The following ZNF287 variants were observed in gnomAD, a reference collection of about 807,000 sequenced individuals.
The protein encoded by ZNF287 is zinc finger protein with KRAB and SCAN domains 13.
Under a neutral mutation model 73.7 loss-of-function variants are expected in ZNF287, and 31 were observed. That is an observed-to-expected ratio of 0.42 (90% CI 0.32 to 0.57). The LOEUF (loss-of-function observed/expected upper bound fraction) is 0.57. Ranked by LOEUF, ZNF287 falls within the 20% of genes least tolerant of loss-of-function variation. The probability of loss-of-function intolerance (pLI) is 0.13; values close to 1 mark genes in which losing one functional copy is unlikely to be tolerated. For missense variants in ZNF287, 641 were observed against 909.3 expected (o/e 0.70, Z 3.79); for synonymous variants, 301 against 307.2 (o/e 0.98, Z 0.21).
chr17:16,553,388 C>T lies in ZNF287; in HGVS notation c.754G>A (p.Asp252Asn), dbSNP rs778100140. 2.5e-5 allele frequency: 40 copies of T among 1,597,764 alleles called. No homozygotes were observed. Among genetic ancestry groups the T allele is most frequent in the Non-Finnish European group, 3.0e-5 (35 of 1,173,810 alleles). The change falls in exon 6 of 6, where the codon GAT becomes AAT. Residue 252 changes from aspartate (D) to asparagine (N), a missense_variant. By Grantham distance (23) the Asp-to-Asn change is conservative. This residue lies in a region of ZNF287 where 357 missense variants were observed against 442.4 expected (regional missense o/e 0.81). Transcript: ENST00000395825. ...TCTTCCTTTGTGAGTTTAGACATAT[C>T]CTCCACTGGAGTACATGCTTGGGCT... is the stretch of plus-strand genomic sequence containing the variant. ...TKAQACTPVEDMSKLTKEETH... is the reference protein window; with the variant it reads ...TKAQACTPVENMSKLTKEETH...
In ZNF287 at chr17:16,550,982, A is replaced by G. The variant is rs1409631324; in HGVS notation, c.*874T>C. 6.6e-6 allele frequency among the ~76,000 whole-genome samples: 1 copy of G among 151,590 alleles called. No homozygotes were observed. Among genetic ancestry groups the G allele is most frequent in the East Asian group, 1.9e-4 (1 of 5,206 alleles). On this transcript the variant is annotated 3_prime_UTR_variant, in exon 6 of 6. Transcript: ENST00000395825. ...TGTTTAACTAAATCTCTACACATCT[A>G]ATGTTATATACACATTAGTTTCTAT...
Position 16,563,717 on chromosome 17 carries a change from A to C in ZNF287, c.610T>G (p.Trp204Gly). 6.2e-7 allele frequency: 1 copy of C among 1,613,602 alleles called. No individual in the cohort carries two copies. Among genetic ancestry groups the C allele is most frequent in the Non-Finnish European group, 8.5e-7 (1 of 1,179,696 alleles). The change falls in exon 4 of 6, where the codon TGG (tryptophan) becomes GGG (glycine). Residue 204 changes from tryptophan (W) to glycine (G), a missense_variant. Physicochemically the swap from Trp to Gly is radical, Grantham distance 184. Around this residue, in one of 2 missense-constraint regions of ZNF287, gnomAD observed 357 missense variants for 442.4 expected, o/e 0.81. Transcript: ENST00000395825. ...LYKTVTLQNY[W>G]NMVSLGLTVY... ...TCCTTACCCAGAGAAACCATGTTCC[A>C]ATAGTTCTGTAACGTCACAGTCTTG...
chr17:16,556,277 ATTACTTTTT>A (rs1357999674), intron 5 of ZNF287, among the ~76,000 whole-genome samples: 1 of 152,160 alleles, frequency 6.6e-6, no homozygotes, highest in African/African-American at 2.4e-5. Flanking sequence ...GAATTTACAA[ATTACTTTTT>A]TTACTTTTAT....
intron 3 of ZNF287, among the ~76,000 whole-genome samples, chr17:16,564,445 C>T (rs1907629210): frequency 6.6e-6 from 1 of 152,096 alleles, no homozygotes; most frequent in South Asian, 2.1e-4. Context: ...TCAAGCGATC[C>T]TTCACCTCAG....
chr17:16,554,379 G>A (rs1240015425), intron 5 of ZNF287, among the ~76,000 whole-genome samples: 1 of 151,964 alleles, frequency 6.6e-6, no homozygotes, highest in Non-Finnish European at 1.5e-5. Context: ...TCACCATGTT[G>A]GCCAGGCTGG....
chr17:16,559,298 T>C (rs1433546988), intron 5 of ZNF287: 1 of 152,118 alleles, frequency 6.6e-6, no homozygotes, highest in Non-Finnish European at 1.5e-5. Flanking sequence ...AAAAACACTA[T>C]CCTTAGTGGT....
At chr17:16,560,867 G>A (rs1195877487) in intron 5 of ZNF287, among the ~76,000 whole-genome samples, 1 of 151,222 alleles carries the variant, frequency 6.6e-6, no homozygotes, top group Admixed American at 6.6e-5. Flanking sequence ...GCTGGGTGTA[G>A]TGGCGGGTGC....
intron 2 of ZNF287, 58 bp from the exon 3 acceptor site, chr17:16,566,680 C>T (rs1907762944): frequency 7.9e-7 from 1 of 1,263,446 alleles, no homozygotes; most frequent in African/African-American, 1.5e-5. Flanking sequence ...GCCTAGGAAA[C>T]CCCTCACCAA....
chr17:16,551,617 AGG>A lies in ZNF287; in HGVS notation c.*237_*238del, dbSNP rs2142454204. 1 of 450,054 alleles carries A rather than the reference AGG, an allele frequency of 2.2e-6. No individual in the cohort carries two copies. The highest frequency in any genetic ancestry group is 3.9e-5 in the Admixed American group (1 of 25,958). 27.9% of individuals were successfully genotyped at this position (450,054 alleles called of 1,614,324 possible). A position where few individuals can be genotyped will look rare whatever the true frequency, so the allele number is the denominator to read the frequency against. ...AGTTATGTTTTTGAATACCCTTCAC[AGG>A]GTTTCTTTCTGTAATGAATTAAAAT... On this transcript the variant is annotated 3_prime_UTR_variant, in exon 6 of 6. Transcript: ENST00000395825.
At chr17:16,563,854 T>C (rs375295995) in intron 3 of ZNF287, 29 bp from the exon 4 acceptor site, 64 of 1,607,550 alleles carry the variant, frequency 4.0e-5, no homozygotes, top group Non-Finnish European at 4.9e-5. Context: ...CTTAACTCAG[T>C]TCAAGAACTA....
chr17:16,552,508 AAC>A lies in ZNF287; in HGVS notation c.1632_1633del (p.Phe545Ter). On this transcript the variant is annotated frameshift_variant, in exon 6 of 6. Coordinates refer to ENST00000395825, the MANE Select transcript of ZNF287 (RefSeq NM_020653.4). LOFTEE classifies it high-confidence loss of function. This position sits in a 1 kb window ranked among gnomAD's most constrained non-coding sequence, Gnocchi z 6.5. ...TCGAATAAGGTAAGTACTCTGACTA[AAC>A]ACTTTCCAACATTCATTGCATTTAT... 1 of 1,614,142 alleles carries A rather than the reference AAC, an allele frequency of 6.2e-7. No homozygotes were observed. Among genetic ancestry groups the A allele is most frequent in the East Asian group, 2.2e-5 (1 of 44,880 alleles).
rs955532631 is a variant in ZNF287 at position 16,550,212 on chromosome 17, A to G, written c.*1644T>C. 1.3e-5 allele frequency among the ~76,000 whole-genome samples: 2 copies of G among 152,174 alleles called. No homozygotes were observed. Among genetic ancestry groups the G allele is most frequent in the African/African-American group, 4.8e-5 (2 of 41,452 alleles). On this transcript the variant is annotated 3_prime_UTR_variant, in exon 6 of 6. Coordinates refer to ENST00000395825, the MANE Select transcript of ZNF287 (RefSeq NM_020653.4). ...GATTACTGCATCAATGCTTTTTCCA[A>G]TTAAATTTTTTCCTGACATGTTAAG...
chr17:16,561,329 A>C (rs1907443475), intron 5 of ZNF287, among the ~76,000 whole-genome samples: 2 of 152,016 alleles, frequency 1.3e-5, no homozygotes, highest in African/African-American at 4.8e-5. Context: ...ACAACAACAA[A>C]AAAGAAAATC....
intron 5 of ZNF287, among the ~76,000 whole-genome samples, chr17:16,555,291 T>C (rs1407038296): frequency 6.6e-6 from 1 of 152,244 alleles, no homozygotes; most frequent in Admixed American, 6.5e-5. Flanking sequence ...TAAGTGCTTA[T>C]GCATCAGGCT....
Position 16,552,315 on chromosome 17 carries a change from TTGAG to T in ZNF287, c.1823_1826del (p.Thr608AsnfsTer156), listed in dbSNP as rs1906727197. ...TCTCTCCAGTATGTGTTCTATGATG[TTGAG>T]TAAGATTTGCACTCTGGCTGAAGGC... On this transcript the variant is annotated frameshift_variant, in exon 6 of 6. Transcript: ENST00000395825. LOFTEE classifies it high-confidence loss of function. This position sits in a 1 kb window ranked among gnomAD's most constrained non-coding sequence, Gnocchi z 6.5. 2.5e-6 allele frequency: 4 copies of T among 1,613,780 alleles called. No homozygotes were observed. Among genetic ancestry groups the T allele is most frequent in the Non-Finnish European group, 3.4e-6 (4 of 1,179,934 alleles).
At chr17:16,553,572 G>A (rs1291671071) in intron 5 of ZNF287, 146 bp from the exon 6 acceptor site, 3 of 636,946 alleles carry the variant, frequency 4.7e-6, no homozygotes, top group East Asian at 3.1e-5. Context: ...ACTTGGGAAA[G>A]GAGACAAAGA....
intron 5 of ZNF287, among the ~76,000 whole-genome samples, chr17:16,560,373 GGA>G (rs1907356081): frequency 6.8e-6 from 1 of 147,312 alleles, no homozygotes; most frequent in African/African-American, 2.5e-5. Context: ...TTTTTGAGGT[GGA>G]GTCTAGCTCT....
rs1370162577 is a variant in ZNF287 at position 16,550,657 on chromosome 17, G to A, written c.*1199C>T. ...ATCACTCTAGAAATCTTTCTGTTGT[G>A]TAAACCACCTGTGATTTTCAGCACT... is the stretch of plus-strand genomic sequence containing the variant. On this transcript the variant is annotated 3_prime_UTR_variant, in exon 6 of 6. Transcript: ENST00000395825. Among the ~76,000 whole-genome samples the A allele has an allele frequency of 6.6e-6, 1 of 152,084 alleles. No homozygotes were observed. Among genetic ancestry groups the A allele is most frequent in the Non-Finnish European group, 1.5e-5 (1 of 68,004 alleles).
At position 16,567,824 on chromosome 17, in the gene ZNF287, C is replaced by A; in HGVS notation, c.-93G>T. 6.6e-7 allele frequency: 1 copy of A among 1,505,132 alleles called. No homozygotes were observed. Among genetic ancestry groups the A allele is most frequent in the Non-Finnish European group, 8.8e-7 (1 of 1,135,284 alleles). The allele number at this position is 1,505,132 out of a possible 1,614,324, so 93.2% of individuals were successfully genotyped here. A position where few individuals can be genotyped will look rare whatever the true frequency, so the allele number is the denominator to read the frequency against. Reference sequence around the variant, plus strand: ...GTCTCATGCTAGAGTCACAAGGACACTATATCAAAGGCTGCTGCAGCCGAG... The same window carrying A: ...GTCTCATGCTAGAGTCACAAGGACAATATATCAAAGGCTGCTGCAGCCGAG... On this transcript the variant is annotated 5_prime_UTR_variant, in exon 2 of 6. Coordinates refer to ENST00000395825, the MANE Select transcript of ZNF287 (RefSeq NM_020653.4).
Sources: allele counts gnomAD v4.1 joint callset (sites outside exome capture counted in the v4.1 genomes callset), GRCh38; gene constraint gnomAD v4.1.1; regional missense constraint gnomAD v4.1.1; non-coding constraint Gnocchi (gnomAD v3.1); transcripts MANE v1.5; gene names NCBI Gene and HGNC (gene_info 2026-07-23, HGNC 2026-07-21).